Variants in FRMD3 observed in about 807,000 individuals in gnomAD.
FRMD3 encodes the protein FERM domain-containing protein 3.
Under a neutral mutation model 70.2 loss-of-function variants are expected in FRMD3, and 33 were observed. The observed-to-expected ratio is 0.47, with a 90% CI of 0.36 to 0.63. The LOEUF (loss-of-function observed/expected upper bound fraction) is 0.63, where lower values mean the gene tolerates loss of function less well. FRMD3 is among the 20% of genes least tolerant of loss of function. The pLI, the probability that FRMD3 is intolerant of heterozygous loss-of-function variation, is 0.00. For missense variants in FRMD3, 632 were observed against 711.4 expected, an observed-to-expected ratio of 0.89 and a Z score of 1.27; for synonymous variants, 279 against 255.9, an observed-to-expected ratio of 1.09 and a Z score of -0.86.
intron 1 of FRMD3, among the ~76,000 whole-genome samples, chr9:83,511,508 T>A (rs1328630870): frequency 6.6e-6 from 1 of 152,108 alleles, no homozygotes; most frequent in Non-Finnish European, 1.5e-5. Context: ...TTGCAAAATA[T>A]GATACCATAA....
the FRMD3 span, among the ~76,000 whole-genome samples, chr9:83,579,246 C>G: frequency 6.6e-6 from 1 of 151,370 alleles, no homozygotes; most frequent in African/African-American, 2.4e-5. Context: ...CCAAAATTGT[C>G]TATAGATTCA....
chr9:83,355,446 C>T (rs1824304719), intron 3 of FRMD3, among the ~76,000 whole-genome samples: 1 of 152,192 alleles, frequency 6.6e-6, no homozygotes. Flanking sequence ...GGCTTCAGCA[C>T]CCTTGACAGG....
chr9:83,300,203 C>T (rs971974597), intron 10 of FRMD3, among the ~76,000 whole-genome samples: 3 of 152,186 alleles, frequency 2.0e-5, no homozygotes, highest in Non-Finnish European at 2.9e-5. Flanking sequence ...TGAGTGCCAT[C>T]CCTGCTCTAC....
intron 1 of FRMD3, among the ~76,000 whole-genome samples, chr9:83,416,376 CTG>C (rs1826442828): frequency 6.6e-6 from 1 of 152,230 alleles, no homozygotes; most frequent in Non-Finnish European, 1.5e-5. Context: ...ACAAACCTCT[CTG>C]TATTATGGCA....
At chr9:83,509,892 C>T (rs1829298809) in intron 1 of FRMD3, among the ~76,000 whole-genome samples, 1 of 151,934 alleles carries the variant, frequency 6.6e-6, no homozygotes, top group Non-Finnish European at 1.5e-5. Context: ...GCTTGGTGTA[C>T]AGTGTCTTAA....
intron 3 of FRMD3, among the ~76,000 whole-genome samples, chr9:83,363,998 A>C (rs1824707321): frequency 1.3e-5 from 2 of 152,210 alleles, no homozygotes; most frequent in Non-Finnish European, 2.9e-5. Context: ...TCAGTATAGT[A>C]AATAAAAATA....
At chr9:83,584,526 TATTGTC>T in the FRMD3 span, among the ~76,000 whole-genome samples, 1 of 152,150 alleles carries the variant, frequency 6.6e-6, no homozygotes, top group African/African-American at 2.4e-5. Flanking sequence ...GGGGTGTTGG[TATTGTC>T]ACTCCATCTC....
intron 1 of FRMD3, among the ~76,000 whole-genome samples, chr9:83,502,795 C>T (rs1338674305): frequency 1.3e-5 from 2 of 152,146 alleles, no homozygotes; most frequent in South Asian, 2.1e-4. Context: ...ATATAAAAGG[C>T]CATCATTTCC....
upstream of FRMD3, among the ~76,000 whole-genome samples, chr9:83,541,179 C>G (rs1178470428): frequency 6.6e-6 from 1 of 152,194 alleles, no homozygotes; most frequent in African/African-American, 2.4e-5. Flanking sequence ...ACTCTTAATA[C>G]TTGAACCAGA....
At chr9:83,257,814 G>A (rs1013282629) in intron 13 of FRMD3, among the ~76,000 whole-genome samples, 1 of 152,062 alleles carries the variant, frequency 6.6e-6, no homozygotes, top group Admixed American at 6.6e-5. Context: ...TGTTTTAGAA[G>A]TGAAATGACA....
the FRMD3 span, among the ~76,000 whole-genome samples, chr9:83,573,038 G>A: frequency 2.5e-3 from 373 of 151,430 alleles, no homozygotes; most frequent in African/African-American, 8.3e-3. Context: ...TAAAAATGAC[G>A]GAAGAATGTG....
Position 83,256,557 on chromosome 9 carries a change from C to G in FRMD3, c.1196-8041G>C, listed in dbSNP as rs1026168092. ...AACTAAAGAGCACAGCAAAAGAAAC[C>G]ATCATCAGAGCAAACAGATAACCTA... On this transcript the variant is annotated intron_variant, in intron 13 of 13. Transcript: ENST00000304195. Among the ~76,000 whole-genome samples the G allele has an allele frequency of 3.3e-5, 5 of 151,806 alleles. No individual in the cohort carries two copies. In the East Asian group the frequency reaches 9.7e-4, roughly 29 times the overall value.
chr9:83,365,316 C>T (rs1368808976), intron 3 of FRMD3, among the ~76,000 whole-genome samples: 1 of 152,106 alleles, frequency 6.6e-6, no homozygotes, highest in Non-Finnish European at 1.5e-5. Flanking sequence ...TTTATCTACT[C>T]TACAACAATG....
intron 2 of FRMD3, among the ~76,000 whole-genome samples, chr9:83,376,611 C>CTT (rs5898828): frequency 3.8e-5 from 5 of 131,984 alleles, no homozygotes; most frequent in South Asian, 2.4e-4. Context: ...TGCTATATTC[C>CTT]TTTTTTTTTT....
intron 13 of FRMD3, among the ~76,000 whole-genome samples, chr9:83,253,320 A>G (rs562558067): frequency 1.1e-3 from 168 of 152,318 alleles, no homozygotes; most frequent in Non-Finnish European, 1.3e-3. Context: ...TTTGAAACTA[A>G]TGAGAACAAA....
upstream of FRMD3, among the ~76,000 whole-genome samples, chr9:83,541,860 G>A (rs1244825038): frequency 6.6e-6 from 1 of 152,132 alleles, no homozygotes; most frequent in Non-Finnish European, 1.5e-5. Context: ...GGTGAACAAA[G>A]GCCAGGCTAA....
At chr9:83,502,978 T>C (rs747448342) in intron 1 of FRMD3, among the ~76,000 whole-genome samples, 45 of 152,140 alleles carry the variant, frequency 3.0e-4, no homozygotes, top group Non-Finnish European at 4.7e-4. Context: ...AGGGCAAAGA[T>C]AGGCCCTCAT....
At chr9:83,259,230 C>T (rs1832870936) in intron 13 of FRMD3, among the ~76,000 whole-genome samples, 1 of 152,146 alleles carries the variant, frequency 6.6e-6, no homozygotes, top group South Asian at 2.1e-4. Flanking sequence ...GATGGAACAC[C>T]TATTTATAAT....
intron 13 of FRMD3, among the ~76,000 whole-genome samples, chr9:83,272,451 C>T (rs935308254): frequency 2.6e-5 from 4 of 152,034 alleles, no homozygotes; most frequent in Non-Finnish European, 5.9e-5. Flanking sequence ...GATCCCCGCT[C>T]GCTACAACCT....
Sources: allele counts gnomAD v4.1 joint callset (sites outside exome capture counted in the v4.1 genomes callset), GRCh38; gene constraint gnomAD v4.1.1; transcripts MANE v1.5; gene names NCBI Gene and HGNC (gene_info 2026-07-23, HGNC 2026-07-21).